The following CSPP1 variants were observed in gnomAD, a reference collection of about 807,000 sequenced individuals.
CSPP1 encodes centrosome and spindle pole-associated protein 1.
A neutral mutation model predicts 164.4 loss-of-function variants in CSPP1; 126 were observed. The ratio of observed to expected loss-of-function variants is 0.77; its 90% CI spans 0.66 to 0.89. The LOEUF (loss-of-function observed/expected upper bound fraction) is 0.89, where lower values mean the gene tolerates loss of function less well. CSPP1 is among the 40% of genes least tolerant of loss of function. The pLI, the probability that CSPP1 is intolerant of heterozygous loss-of-function variation, is 0.00. For missense variants in CSPP1, 1,395 were observed against 1,449.8 expected (o/e 0.96, Z 0.61); for synonymous variants, 472 against 476.7 (o/e 0.99, Z 0.13).
chr8:67,127,676 G>C (rs1283603735), intron 15 of CSPP1, among the ~76,000 whole-genome samples: 1 of 152,164 alleles, frequency 6.6e-6, no homozygotes, highest in African/African-American at 2.4e-5. Flanking sequence ...TGCCATTCTA[G>C]AAGTGCTTTC....
chr8:67,147,759 G>C (rs1348005711), intron 17 of CSPP1, among the ~76,000 whole-genome samples: 3 of 151,798 alleles, frequency 2.0e-5, no homozygotes, highest in Non-Finnish European at 4.4e-5. Context: ...GACTCTGCTA[G>C]GTTTGTGAGC....
At chr8:67,087,683 G>C (rs896447828) in intron 4 of CSPP1, among the ~76,000 whole-genome samples, 7 of 152,214 alleles carry the variant, frequency 4.6e-5, no homozygotes, top group Admixed American at 1.3e-4. Flanking sequence ...GACTGGGTCA[G>C]AGTATCATTC....
chr8:67,064,667 A>C, intron 1 of CSPP1, 129 bp downstream of exon 1: 1 of 193,136 alleles, frequency 5.2e-6, no homozygotes, highest in East Asian at 2.2e-4. Flanking sequence ...GCGACGTGCC[A>C]GAGTTACAGG....
Position 67,158,474 on chromosome 8 carries a change from G to A in CSPP1, c.2269G>A (p.Ala757Thr). 2 of 1,607,426 alleles carry A rather than the reference G, an allele frequency of 1.2e-6. No individual in the cohort carries two copies. The highest frequency in any genetic ancestry group is 1.7e-6 in the Non-Finnish European group (2 of 1,177,364). The change falls in exon 20 of 31, where the codon GCA becomes ACA. Residue 757 changes from alanine (A) to threonine (T), a missense_variant. Coordinates refer to ENST00000678616, the MANE Select transcript of CSPP1 (RefSeq NM_001382391.1). Reference protein sequence around the residue: ...QIEEKKQREEAERERLRIAEE... With the variant: ...QIEEKKQREETERERLRIAEE... The stretch of plus-strand genomic sequence containing the variant: ...TGAGGAAAAGAAACAAAGAGAGGAA[G>A]CAGAGCGAGAGAGACTGAGAATTGC...
chr8:67,159,969 T>TTCTTTTC (rs1212995190), intron 21 of CSPP1, among the ~76,000 whole-genome samples: 3 of 54,686 alleles, frequency 5.5e-5, no homozygotes, highest in Non-Finnish European at 8.9e-5. Context: ...TTCTTTTCTT[T>TTCTTTTC]TCTTTTCTTT....
chr8:67,162,118 A>G (rs1353972423), intron 22 of CSPP1, among the ~76,000 whole-genome samples: 1 of 152,198 alleles, frequency 6.6e-6, no homozygotes, highest in Non-Finnish European at 1.5e-5. Context: ...ACAAACCATA[A>G]TTTAGCCCCT....
At chr8:67,139,858 G>A (rs537000148) in intron 17 of CSPP1, among the ~76,000 whole-genome samples, 46 of 152,268 alleles carry the variant, frequency 3.0e-4, no homozygotes, top group East Asian at 7.7e-4. Context: ...TGAGGGGAGC[G>A]GGGAGGGATA....
At chr8:67,067,923 C>T (rs1477018677) in intron 1 of CSPP1, among the ~76,000 whole-genome samples, 1 of 149,648 alleles carries the variant, frequency 6.7e-6, no homozygotes, top group Non-Finnish European at 1.5e-5. Flanking sequence ...GATCTGGGCT[C>T]ACTACAGCCT....
intron 15 of CSPP1, among the ~76,000 whole-genome samples, chr8:67,124,613 G>A (rs1362083623): frequency 6.6e-6 from 1 of 151,652 alleles, no homozygotes; most frequent in Non-Finnish European, 1.5e-5. Flanking sequence ...CAGTCTTCCC[G>A]CCTTAGCCTC....
chr8:67,158,937 G>A, intron 20 of CSPP1, 54 bp from the exon 21 acceptor site: 10 of 1,369,708 alleles, frequency 7.3e-6, no homozygotes, highest in Non-Finnish European at 1.0e-5. Flanking sequence ...GCACATTTTT[G>A]AATGTACTAT....
intron 27 of CSPP1, among the ~76,000 whole-genome samples, chr8:67,179,444 A>C (rs1464746456): frequency 2.0e-5 from 3 of 152,224 alleles, no homozygotes; most frequent in Non-Finnish European, 4.4e-5. Flanking sequence ...TAAGTGGGCT[A>C]TACAGGTTTA....
intron 28 of CSPP1, among the ~76,000 whole-genome samples, chr8:67,184,746 T>TAAG (rs1241928598): frequency 7.0e-6 from 1 of 142,896 alleles, no homozygotes; most frequent in African/African-American, 2.6e-5. Flanking sequence ...TAAAAAAATA[T>TAAG]AATAATAATA....
intron 3 of CSPP1, among the ~76,000 whole-genome samples, chr8:67,082,453 G>A (rs2129542774): frequency 6.6e-6 from 1 of 152,244 alleles, no homozygotes; most frequent in South Asian, 2.1e-4. Flanking sequence ...TGAGTGAAAT[G>A]GGTCCTTGTA....
intron 30 of CSPP1, among the ~76,000 whole-genome samples, chr8:67,194,987 A>G (rs1368821225): frequency 1.3e-5 from 2 of 151,656 alleles, no homozygotes; most frequent in African/African-American, 2.4e-5. Context: ...AAAAAAATAA[A>G]AAGAAAAAAG....
chr8:67,159,733 A>G (rs963753076), intron 21 of CSPP1, among the ~76,000 whole-genome samples: 1 of 149,730 alleles, frequency 6.7e-6, no homozygotes, highest in Non-Finnish European at 1.5e-5. Context: ...TGTTGGCCAG[A>G]CTGGTCTCAA....
At chr8:67,177,070 C>CAAAA (rs36084458) in intron 26 of CSPP1, among the ~76,000 whole-genome samples, 9 of 51,850 alleles carry the variant, frequency 1.7e-4, no homozygotes, top group Non-Finnish European at 2.7e-4. Context: ...GACTTAGTCT[C>CAAAA]AAAAAAAAAA....
chr8:67,177,254 A>G (rs1831916666), intron 26 of CSPP1, among the ~76,000 whole-genome samples: 1 of 152,078 alleles, frequency 6.6e-6, no homozygotes, highest in Admixed American at 6.5e-5. Flanking sequence ...CATATTGGAG[A>G]GGCTTTGGGA....
Position 67,109,669 on chromosome 8 carries a change from C to T in CSPP1, c.1094-2303C>T, listed in dbSNP as rs112758435. Among the ~76,000 whole-genome samples, 1,003 of 152,150 alleles carry T rather than the reference C, an allele frequency of 6.6e-3. 5 individuals carry two copies. The highest frequency in any genetic ancestry group is 0.012 in the Non-Finnish European group (785 of 68,012). On this transcript the variant is annotated intron_variant, in intron 9 of 30. Coordinates refer to ENST00000678616, the MANE Select transcript of CSPP1 (RefSeq NM_001382391.1). Reference sequence around the variant, plus strand: ...CTAATGTTGCAATCTCACACATGCTCCTTAATGTAGCAGTTTCTCATTGTC... The same window carrying T: ...CTAATGTTGCAATCTCACACATGCTTCTTAATGTAGCAGTTTCTCATTGTC...
intron 17 of CSPP1, among the ~76,000 whole-genome samples, chr8:67,142,709 T>C (rs1823746084): frequency 6.6e-6 from 1 of 152,200 alleles, no homozygotes; most frequent in African/African-American, 2.4e-5. Flanking sequence ...GGTTGAATAG[T>C]AAGTGTTTAA....
Sources: allele counts gnomAD v4.1 joint callset (sites outside exome capture counted in the v4.1 genomes callset), GRCh38; gene constraint gnomAD v4.1.1; transcripts MANE v1.5; gene names NCBI Gene and HGNC (gene_info 2026-07-23, HGNC 2026-07-21).